Variants in PALLD observed in about 807,000 individuals in gnomAD.
PALLD encodes palladin, cytoskeletal associated protein, also known as palladin.
A neutral mutation model predicts 123.5 loss-of-function variants in PALLD; 61 were observed. That is an observed-to-expected ratio of 0.49 (90% CI 0.40 to 0.61). The LOEUF (loss-of-function observed/expected upper bound fraction) is 0.61, where lower values mean the gene tolerates loss of function less well. Among genes scored for constraint, PALLD ranks in the 20% least tolerant of loss-of-function variants. The pLI, the probability that PALLD is intolerant of heterozygous loss-of-function variation, is 0.00. For synonymous variants in PALLD, 465 were observed against 496.4 expected (o/e 0.94, Z 0.84); for missense variants, 1,273 against 1,377.0 (o/e 0.92, Z 1.20).
At chr4:168,861,770 C>T (rs1389943015) in intron 10 of PALLD, among the ~76,000 whole-genome samples, 1 of 152,074 alleles carries the variant, frequency 6.6e-6, no homozygotes, top group East Asian at 1.9e-4. Context: ...ATCCTCCCAT[C>T]TCAGCCTCCC....
intron 2 of PALLD, among the ~76,000 whole-genome samples, chr4:168,600,551 G>A (rs1403063690): frequency 6.6e-6 from 1 of 151,988 alleles, no homozygotes; most frequent in Non-Finnish European, 1.5e-5. Flanking sequence ...TAGCTTTTAG[G>A]TGAGGTCTTG....
chr4:168,631,967 G>A (rs1328425611), intron 2 of PALLD: 1 of 914,912 alleles, frequency 1.1e-6, no homozygotes, highest in African/African-American at 1.8e-5. Context: ...TCCAGGCAGT[G>A]GCATGCAAGT....
chr4:168,840,115 A>T (rs884199), intron 10 of PALLD, among the ~76,000 whole-genome samples: 2,574 of 136,824 alleles, frequency 0.019, 50 homozygotes, highest in African/African-American at 0.069. Flanking sequence ...GATTTTTTTT[A>T]AAAAAAATCT....
chr4:168,588,608 A>G (rs1030143804), intron 2 of PALLD, among the ~76,000 whole-genome samples: 9 of 152,138 alleles, frequency 5.9e-5, no homozygotes, highest in African/African-American at 2.2e-4. Flanking sequence ...AGATTTTGCC[A>G]TGTTGGCCAG....
At chr4:168,503,153 T>G (rs551306903) in intron 1 of PALLD, among the ~76,000 whole-genome samples, 2 of 152,356 alleles carry the variant, frequency 1.3e-5, no homozygotes, top group South Asian at 4.1e-4. Context: ...TCACAGCTCC[T>G]GCTTCCATTG....
At chr4:168,753,382 C>T (rs537130737) in intron 10 of PALLD, among the ~76,000 whole-genome samples, 1 of 151,188 alleles carries the variant, frequency 6.6e-6, no homozygotes, top group Non-Finnish European at 1.5e-5. Flanking sequence ...CCCTTTGTCT[C>T]TCTCTCTCCC....
chr4:168,617,422 G>A (rs1302734238), intron 2 of PALLD, among the ~76,000 whole-genome samples: 3 of 152,172 alleles, frequency 2.0e-5, no homozygotes, highest in African/African-American at 7.2e-5. Context: ...AGTCCATTGT[G>A]GGGGATGAGA....
intron 10 of PALLD, 139 bp from the exon 11 acceptor site, chr4:168,890,783 A>G: frequency 1.1e-6 from 1 of 876,824 alleles, no homozygotes; most frequent in Non-Finnish European, 1.9e-6. Flanking sequence ...TCTTTCCATC[A>G]TAGTTGCAAC....
intron 2 of PALLD, among the ~76,000 whole-genome samples, chr4:168,666,923 A>G (rs1561369464): frequency 1.3e-5 from 2 of 152,204 alleles, no homozygotes; most frequent in South Asian, 4.1e-4. Context: ...AGAAAACCAT[A>G]CAGTGCCCCA....
Position 168,893,091 on chromosome 4 carries a change from AG to A in PALLD, c.2101-1486del, listed in dbSNP as rs368283315. Reference sequence around the variant, plus strand: ...AGTATATTTGGCTTCTAGTGGTAGCAGGTGCATTCTGGTGAAGGAATAGATA... The same window carrying A: ...AGTATATTTGGCTTCTAGTGGTAGCAGTGCATTCTGGTGAAGGAATAGATA... On this transcript the variant is annotated intron_variant, in intron 11 of 21. Transcript: ENST00000505667. Among the ~76,000 whole-genome samples the A allele has an allele frequency of 1.2e-4, 18 of 152,350 alleles. No individual in the cohort carries two copies. In the East Asian group the frequency reaches 3.5e-3, roughly 29 times the overall value.
Position 168,709,077 on chromosome 4 carries a change from G to T in PALLD, c.1551G>T (p.Gly517=). The change falls in exon 9 of 22, where the codon GGG becomes GGT. Residue 517 remains glycine (G), a synonymous_variant. Coordinates refer to ENST00000505667, the MANE Select transcript of PALLD (RefSeq NM_001166108.2). ...VIAETFPEDA[G]IFTCSARNDY... ...CTGAGACTTTCCCTGAAGATGCAGG[G>T]ATCTTTACATGTTCAGCAAGAAATG... is the stretch of plus-strand genomic sequence containing the variant. 1 of 1,613,102 alleles carries T rather than the reference G, an allele frequency of 6.2e-7. No individual in the cohort carries two copies. Among genetic ancestry groups the T allele is most frequent in the Non-Finnish European group, 8.5e-7 (1 of 1,179,116 alleles).
At chr4:168,718,905 C>A (rs544197123) in intron 10 of PALLD, among the ~76,000 whole-genome samples, 4 of 138,570 alleles carry the variant, frequency 2.9e-5, no homozygotes, top group African/African-American at 8.1e-5. Flanking sequence ...TGTTGCCAAT[C>A]TAATTTTTTT....
intron 10 of PALLD, among the ~76,000 whole-genome samples, chr4:168,771,269 C>G (rs746787736): frequency 6.6e-6 from 1 of 151,850 alleles, no homozygotes; most frequent in Non-Finnish European, 1.5e-5. Flanking sequence ...GTGTGAATAC[C>G]CCCTACTGCA....
intron 2 of PALLD, among the ~76,000 whole-genome samples, chr4:168,623,135 T>G (rs1024738456): frequency 3.9e-5 from 6 of 152,112 alleles, no homozygotes; most frequent in Non-Finnish European, 8.8e-5. Flanking sequence ...CATGAGAAAA[T>G]ACACATTTTT....
chr4:168,867,265 T>C (rs1560821009), intron 10 of PALLD, among the ~76,000 whole-genome samples: 2 of 152,238 alleles, frequency 1.3e-5, no homozygotes, highest in African/African-American at 4.8e-5. Flanking sequence ...CAGTTAGCTC[T>C]CATCACTAGA....
chr4:168,906,679 C>G (rs1757870973), intron 15 of PALLD, among the ~76,000 whole-genome samples: 1 of 152,168 alleles, frequency 6.6e-6, no homozygotes, highest in Non-Finnish European at 1.5e-5. Context: ...GGCTGGAGTA[C>G]AGTGGCATAA....
intron 2 of PALLD, among the ~76,000 whole-genome samples, chr4:168,536,989 G>A (rs563781308): frequency 6.6e-6 from 1 of 151,958 alleles, no homozygotes; most frequent in Non-Finnish European, 1.5e-5. Flanking sequence ...CACCACGCCC[G>A]GCTAATTTTT....
rs1561291050 is a variant in PALLD, at chr4:168,600,036, T to TGTGTGTACACACACATATATAC, written c.909-68154_909-68153insGTGTGTACACACACATATATAC. ...ATACATGTGTGTACACACACATACA[T>TGTGTGTACACACACATATATAC]ACATGTGTATACACACATATATACA... On this transcript the variant is annotated intron_variant, in intron 2 of 21. Coordinates refer to ENST00000505667, the MANE Select transcript of PALLD (RefSeq NM_001166108.2). Among the ~76,000 whole-genome samples, 41 of 148,868 alleles carry TGTGTGTACACACACATATATAC rather than the reference T, an allele frequency of 2.8e-4. No individual in the cohort carries two copies. The South Asian group carries it at 8.6e-3, about 31-fold the overall frequency.
At chr4:168,768,653 CA>C (rs1297075416) in intron 10 of PALLD, among the ~76,000 whole-genome samples, 1 of 152,168 alleles carries the variant, frequency 6.6e-6, no homozygotes, top group Non-Finnish European at 1.5e-5. Context: ...CTGGCCATGG[CA>C]GCTAATTTGA....
Sources: allele counts gnomAD v4.1 joint callset (sites outside exome capture counted in the v4.1 genomes callset), GRCh38; gene constraint gnomAD v4.1.1; transcripts MANE v1.5; gene names NCBI Gene and HGNC (gene_info 2026-07-23, HGNC 2026-07-21).